The following SBF2 variants were observed in gnomAD, a reference collection of about 807,000 sequenced individuals.
SBF2 encodes the protein myotubularin-related protein 13.
SBF2 carries 112 observed loss-of-function variants against 225.2 expected under a neutral mutation model. That is an observed-to-expected ratio of 0.50 (90% CI 0.43 to 0.58). The LOEUF is 0.58. Ranked by LOEUF, SBF2 falls within the 20% of genes least tolerant of loss-of-function variation. The pLI is 0.00. For synonymous variants in SBF2, 763 were observed against 773.3 expected (o/e 0.99, Z 0.22); for missense variants, 1,996 against 2,206.2 (o/e 0.90, Z 1.91).
intron 2 of SBF2, among the ~76,000 whole-genome samples, chr11:10,188,346 T>C (rs1957024485): frequency 6.6e-6 from 1 of 152,176 alleles, no homozygotes; most frequent in Non-Finnish European, 1.5e-5. Context: ...AGCAGTATGA[T>C]ACCATGTAAC....
intron 16 of SBF2, among the ~76,000 whole-genome samples, chr11:9,896,307 T>C (rs1861247699): frequency 6.6e-6 from 1 of 152,222 alleles, no homozygotes; most frequent in Non-Finnish European, 1.5e-5. Flanking sequence ...TTTACTTTCC[T>C]GCTCTACAAA....
At chr11:10,100,048 A>T (rs1039685547) in intron 2 of SBF2, among the ~76,000 whole-genome samples, 1 of 152,216 alleles carries the variant, frequency 6.6e-6, no homozygotes, top group African/African-American at 2.4e-5. Flanking sequence ...CAATAAAAAG[A>T]CAAAGTGGGT....
chr11:10,109,085 C>T (rs566127436), intron 2 of SBF2, among the ~76,000 whole-genome samples: 1 of 152,034 alleles, frequency 6.6e-6, no homozygotes, highest in African/African-American at 2.4e-5. Flanking sequence ...GGAAAATATG[C>T]TGAACATAAA....
At chr11:10,008,458 C>A (rs1326847499) in intron 6 of SBF2, among the ~76,000 whole-genome samples, 1 of 152,210 alleles carries the variant, frequency 6.6e-6, no homozygotes, top group Non-Finnish European at 1.5e-5. Flanking sequence ...TGGTCTTTTA[C>A]ATCAAGGACC....
At chr11:10,265,152 G>C (rs1439612764) in intron 1 of SBF2, among the ~76,000 whole-genome samples, 1 of 152,088 alleles carries the variant, frequency 6.6e-6, no homozygotes, top group Admixed American at 6.6e-5. Context: ...TTGAGGAATT[G>C]CCACTCTGTC....
At chr11:9,945,593 A>T (rs1039555374) in intron 16 of SBF2, among the ~76,000 whole-genome samples, 2 of 152,188 alleles carry the variant, frequency 1.3e-5, no homozygotes, top group African/African-American at 2.4e-5. Context: ...AAAAATAGAC[A>T]AGTGGGATCT....
intron 2 of SBF2, among the ~76,000 whole-genome samples, chr11:10,147,943 T>G (rs1954965306): frequency 6.6e-6 from 1 of 152,150 alleles, no homozygotes; most frequent in Non-Finnish European, 1.5e-5. Context: ...CCTAAATCTC[T>G]AAAACAGGAA....
At chr11:9,787,789 G>A (rs1271710481) in intron 35 of SBF2, 51 bp from the exon 36 acceptor site, 1 of 1,494,704 alleles carries the variant, frequency 6.7e-7, no homozygotes, top group Non-Finnish European at 9.3e-7. Flanking sequence ...AAATCAGGAT[G>A]GGCCCCAAAG....
chr11:9,781,987 C>A (rs1349711853), intron 38 of SBF2, among the ~76,000 whole-genome samples: 1 of 151,994 alleles, frequency 6.6e-6, no homozygotes, highest in Non-Finnish European at 1.5e-5. Flanking sequence ...GAGTTCGAGA[C>A]CAGCCTGGGC....
At chr11:10,073,748 G>C (rs543477968) in intron 2 of SBF2, among the ~76,000 whole-genome samples, 1 of 152,126 alleles carries the variant, frequency 6.6e-6, no homozygotes, top group African/African-American at 2.4e-5. Context: ...AAAAGATTTA[G>C]GAGACCTATC....
chr11:9,991,115 A>G (rs978509130), intron 12 of SBF2, among the ~76,000 whole-genome samples: 6 of 152,230 alleles, frequency 3.9e-5, no homozygotes, highest in Admixed American at 1.3e-4. Context: ...TTAATCCCAT[A>G]AAATATTATG....
At chr11:10,255,362 T>A (rs1173409513) in intron 1 of SBF2, among the ~76,000 whole-genome samples, 1 of 152,206 alleles carries the variant, frequency 6.6e-6, no homozygotes, top group Non-Finnish European at 1.5e-5. Context: ...ATTTTATTTG[T>A]CAATTAAAAA....
chr11:9,982,252 C>T (rs1946989327), intron 13 of SBF2, among the ~76,000 whole-genome samples: 1 of 152,224 alleles, frequency 6.6e-6, no homozygotes, highest in African/African-American at 2.4e-5. Context: ...AAGCAGAGGA[C>T]ACTGGTCGGT....
At chr11:9,972,535 C>G (rs1488052991) in intron 13 of SBF2, among the ~76,000 whole-genome samples, 1 of 152,168 alleles carries the variant, frequency 6.6e-6, no homozygotes, top group Non-Finnish European at 1.5e-5. Context: ...GGCTGGGGTG[C>G]AGTGGCGCGA....
At chr11:10,092,405 T>C (rs1951820092) in intron 2 of SBF2, among the ~76,000 whole-genome samples, 1 of 152,316 alleles carries the variant, frequency 6.6e-6, no homozygotes, top group East Asian at 1.9e-4. Flanking sequence ...GCCGAAGTTG[T>C]AATTTTTGCA....
chr11:10,019,045 T>A (rs1463463294), intron 6 of SBF2, among the ~76,000 whole-genome samples: 1 of 152,158 alleles, frequency 6.6e-6, no homozygotes, highest in Non-Finnish European at 1.5e-5. Context: ...TCTACTATAG[T>A]TTTAAAACGA....
Position 9,872,255 on chromosome 11 carries a change from G to C in SBF2, c.1930-13859C>G, listed in dbSNP as rs115111038. Among the ~76,000 whole-genome samples the C allele has an allele frequency of 5.8e-3, 883 of 152,242 alleles. 10 individuals are homozygous for C. Among genetic ancestry groups the C allele is most frequent in the African/African-American group, 0.02 (837 of 41,546 alleles). ...ACACTGCATGTTCTTACTTATAGGC[G>C]GGAGCTGAAAGATGAGAACACATGG... On this transcript the variant is annotated intron_variant, in intron 17 of 39. Transcript: ENST00000256190.
chr11:10,229,503 G>T (rs1958732638), intron 1 of SBF2, among the ~76,000 whole-genome samples: 1 of 152,118 alleles, frequency 6.6e-6, no homozygotes, highest in East Asian at 1.9e-4. Flanking sequence ...CAGAGATTCT[G>T]GTACGTTGTG....
chr11:9,830,902 T>C (rs1471601686), intron 27 of SBF2, among the ~76,000 whole-genome samples: 1 of 152,168 alleles, frequency 6.6e-6, no homozygotes, highest in Admixed American at 6.5e-5. Flanking sequence ...GTTTCAATTG[T>C]TTTCCAACTA....
Sources: gnomAD v4.1 joint callset for allele counts (sites outside exome capture counted in the v4.1 genomes callset) on GRCh38, gnomAD v4.1.1 for gene constraint, MANE v1.5 for transcripts, NCBI Gene and HGNC (gene_info 2026-07-23, HGNC 2026-07-21) for gene names.